ANKRD17: variants seen among roughly 807,000 people sequenced by gnomAD.
ANKRD17 encodes the protein ankyrin repeat domain 17.
A neutral mutation model predicts 229.7 loss-of-function variants in ANKRD17; 19 were observed. That is an observed-to-expected ratio of 0.08 (90% CI 0.06 to 0.12). The LOEUF (loss-of-function observed/expected upper bound fraction) is 0.12. Ranked by LOEUF, ANKRD17 falls within the 10% of genes least tolerant of loss-of-function variation. The pLI, the probability that ANKRD17 is intolerant of heterozygous loss-of-function variation, is 1.00. For synonymous variants in ANKRD17, 1,112 were observed against 1,146.1 expected (o/e 0.97, Z 0.60); for missense variants, 2,176 against 3,176.8 (o/e 0.68, Z 7.57).
intron 29 of ANKRD17, among the ~76,000 whole-genome samples, chr4:73,086,916 AAAAATATATATATATATATATATAT>A (rs1411977553): frequency 1.4e-4 from 6 of 43,686 alleles, no homozygotes; most frequent in Admixed American, 6.0e-4. Flanking sequence ...AAAAAAAAAA[AAAAATATATATATATATATATATAT>A]ATATATATAT....
intron 2 of ANKRD17, among the ~76,000 whole-genome samples, chr4:73,167,531 GAC>G (rs1297893405): frequency 6.6e-6 from 1 of 152,102 alleles, no homozygotes; most frequent in Non-Finnish European, 1.5e-5. Context: ...AAATCTATAT[GAC>G]AGTCTCTTAA....
chr4:73,138,971 C>T (rs1729267587), intron 15 of ANKRD17, among the ~76,000 whole-genome samples: 1 of 152,062 alleles, frequency 6.6e-6, no homozygotes, highest in Admixed American at 6.6e-5. Context: ...CATTAACATT[C>T]ACAGGGGACA....
intron 20 of ANKRD17, 125 bp from the exon 21 acceptor site, chr4:73,120,462 A>G: frequency 1.2e-6 from 1 of 839,358 alleles, no homozygotes; most frequent in South Asian, 1.8e-5. Flanking sequence ...ACTAAATTTA[A>G]TCACTGACCC....
chr4:73,236,058 G>T (rs1743478564), intron 1 of ANKRD17, among the ~76,000 whole-genome samples: 1 of 151,954 alleles, frequency 6.6e-6, no homozygotes, highest in Admixed American at 6.6e-5. Context: ...TTATATGACA[G>T]AAACCTTTCA....
At chr4:73,241,166 T>C (rs903304689) in intron 1 of ANKRD17, among the ~76,000 whole-genome samples, 15 of 152,122 alleles carry the variant, frequency 9.9e-5, no homozygotes, top group Non-Finnish European at 1.5e-5. Context: ...TTTATTGTTG[T>C]ATTGTGGAAA....
intron 1 of ANKRD17, among the ~76,000 whole-genome samples, chr4:73,219,290 A>C (rs542252377): frequency 6.6e-6 from 1 of 152,338 alleles, no homozygotes; most frequent in South Asian, 2.1e-4. Context: ...TATAGTATAG[A>C]AATGATGTGC....
chr4:73,078,688 T>C lies in ANKRD17; in HGVS notation c.7362A>G (p.Val2454=), dbSNP rs1721254223. The C allele has an allele frequency of 1.2e-6, 2 of 1,614,126 alleles. No individual in the cohort carries two copies. The highest frequency in any genetic ancestry group is 1.3e-5 in the African/African-American group (1 of 74,940). Residue 2454 remains valine, a synonymous_variant, in exon 31 of 34, where the codon GTA becomes GTG. Transcript: ENST00000358602. ...SVIGSNLSTS[V]GHSGIWSFEG... is the part of the protein sequence containing the mutation. Reference sequence around the variant, plus strand: ...CAAAGGACCAGATGCCACTATGTCCTACTGATGTAGACAAATTGCTCCCAA... The same window carrying C: ...CAAAGGACCAGATGCCACTATGTCCCACTGATGTAGACAAATTGCTCCCAA...
At chr4:73,161,103 G>A in intron 3 of ANKRD17, 89 bp downstream of exon 3, 2 of 1,482,116 alleles carry the variant, frequency 1.3e-6, no homozygotes, top group East Asian at 2.4e-5. Context: ...TGCCAGCCAG[G>A]CACAAAATAA....
intron 29 of ANKRD17, among the ~76,000 whole-genome samples, chr4:73,086,923 T>A (rs2886743): frequency 0.045 from 1,422 of 31,668 alleles, 40 homozygotes; most frequent in Non-Finnish European, 0.054. Context: ...AAAAAAAATA[T>A]ATATATATAT....
At chr4:73,213,525 C>A (rs1740605061) in intron 1 of ANKRD17, among the ~76,000 whole-genome samples, 1 of 152,168 alleles carries the variant, frequency 6.6e-6, no homozygotes, top group African/African-American at 2.4e-5. Flanking sequence ...GTATTTCTCA[C>A]CTCAAGCAGT....
chr4:73,232,183 A>T (rs1743108139), intron 1 of ANKRD17, among the ~76,000 whole-genome samples: 1 of 152,198 alleles, frequency 6.6e-6, no homozygotes, highest in Non-Finnish European at 1.5e-5. Context: ...ATATAAGATC[A>T]GCCACGTCTT....
At chr4:73,250,970 C>T (rs1400950762) in intron 1 of ANKRD17, among the ~76,000 whole-genome samples, 1 of 152,014 alleles carries the variant, frequency 6.6e-6, no homozygotes, top group East Asian at 1.9e-4. Flanking sequence ...CAGAAGTAAA[C>T]TTAAAAACTA....
Position 73,091,007 on chromosome 4 carries a change from G to A in ANKRD17, c.6621C>T (p.His2207=), listed in dbSNP as rs1179842285. 6.2e-6 allele frequency: 10 copies of A among 1,614,234 alleles called. No individual in the cohort carries two copies. The highest frequency in any genetic ancestry group is 8.5e-6 in the Non-Finnish European group (10 of 1,180,036). ...AGGGAACACTGTGAGGTCTTTTAAT[G>A]TGATTGACACTGAGGACTGCAACAG... ...NSSVAVLSVN[H]IKRPHSVPSS... Residue 2207 remains histidine (H), a synonymous_variant, in exon 29 of 34, where the codon CAC becomes CAT. Coordinates refer to ENST00000358602, the MANE Select transcript of ANKRD17 (RefSeq NM_032217.5).
intron 1 of ANKRD17, among the ~76,000 whole-genome samples, chr4:73,193,528 C>G (rs1390521961): frequency 2.0e-5 from 3 of 152,140 alleles, no homozygotes; most frequent in Admixed American, 6.5e-5. Flanking sequence ...TCTGGCTTTT[C>G]CCCCCTTTGT....
chr4:73,180,724 A>C (rs551242060), intron 1 of ANKRD17, among the ~76,000 whole-genome samples: 1 of 152,298 alleles, frequency 6.6e-6, no homozygotes, highest in South Asian at 2.1e-4. Context: ...CCTATCCCTC[A>C]TTTATGATTA....
At chr4:73,158,783 T>A (rs890168898) in intron 3 of ANKRD17, among the ~76,000 whole-genome samples, 9 of 152,212 alleles carry the variant, frequency 5.9e-5, no homozygotes, top group African/African-American at 2.2e-4. Flanking sequence ...GGGTAGGCTT[T>A]ATAAAAGGAA....
Position 73,227,231 on chromosome 4 carries a change from G to C in ANKRD17, c.393+31045C>G, listed in dbSNP as rs146323354. On this transcript the variant is annotated intron_variant, in intron 1 of 33. Transcript: ENST00000358602. ...TGCAGTGGCGCAGTTTCAGCTCACT[G>C]CAACCTCTGCCTCCCGGGTTCAAGT... 6.4e-3 allele frequency among the ~76,000 whole-genome samples: 969 copies of C among 152,114 alleles called. 11 individuals are homozygous for C. Among genetic ancestry groups the C allele is most frequent in the African/African-American group, 0.022 (928 of 41,496 alleles).
At chr4:73,237,052 T>C (rs1743575433) in intron 1 of ANKRD17, among the ~76,000 whole-genome samples, 1 of 152,222 alleles carries the variant, frequency 6.6e-6, no homozygotes, top group Admixed American at 6.5e-5. Context: ...TTCATATGCC[T>C]GTGGTTTAAT....
intron 16 of ANKRD17, among the ~76,000 whole-genome samples, chr4:73,127,533 T>C (rs1727634442): frequency 6.6e-6 from 1 of 152,202 alleles, no homozygotes; most frequent in Admixed American, 6.5e-5. Flanking sequence ...ATCTCTATTA[T>C]AGTACTTATC....
Sources: allele counts gnomAD v4.1 joint callset (sites outside exome capture counted in the v4.1 genomes callset), GRCh38; gene constraint gnomAD v4.1.1; transcripts MANE v1.5; gene names NCBI Gene and HGNC (gene_info 2026-07-23, HGNC 2026-07-21).